The following PABPC1 variants were observed in gnomAD, a reference collection of about 807,000 sequenced individuals.
PABPC1 encodes the protein polyadenylate-binding protein 1.
In PABPC1, 4 loss-of-function variants were observed where a neutral mutation model predicts 74.0. That is an observed-to-expected ratio of 0.05 (90% CI 0.03 to 0.12). The LOEUF is 0.12. PABPC1 is among the 10% of genes least tolerant of loss of function. PABPC1 has a pLI of 1.00. For synonymous variants in PABPC1, 227 were observed against 264.1 expected, an observed-to-expected ratio of 0.86 and a Z score of 1.36; for missense variants, 271 against 821.1, an observed-to-expected ratio of 0.33 and a Z score of 8.19.
intron 9 of PABPC1, among the ~76,000 whole-genome samples, chr8:100,708,054 G>A (rs963805174): frequency 1.2e-4 from 19 of 152,218 alleles, no homozygotes; most frequent in African/African-American, 4.3e-4. Context: ...TTGGAATAAA[G>A]AGTAATTGCT....
chr8:100,713,834 C>G (rs1452148992), intron 4 of PABPC1, among the ~76,000 whole-genome samples: 2 of 148,762 alleles, frequency 1.3e-5, no homozygotes, highest in Non-Finnish European at 2.9e-5. Context: ...TTTATTAAGC[C>G]TTGGCCTACC....
intron 1 of PABPC1, among the ~76,000 whole-genome samples, chr8:100,718,838 G>A (rs1282229217): frequency 6.6e-6 from 1 of 152,152 alleles, no homozygotes; most frequent in African/African-American, 2.4e-5. Context: ...GGGTTTCAGT[G>A]ATTCATGGCA....
At position 100,715,440 on chromosome 8, in the gene PABPC1, AAATTT is replaced by A. The variant is rs1168162230; in HGVS notation, c.643+17_643+21del. On this transcript the variant is annotated intron_variant, in intron 4 of 14. Transcript: ENST00000318607. ...CACTAATTCAGAGCTTTGTGTGTAA[AAATTT>A]AATTAAGACACATTACCAAACTTGC... 1.9e-6 allele frequency: 3 copies of A among 1,567,146 alleles called. No individual in the cohort carries two copies. In the African/African-American group the frequency reaches 4.1e-5, roughly 21 times the overall value.
chr8:100,706,185 G>C (rs1017613186), intron 11 of PABPC1, among the ~76,000 whole-genome samples: 20 of 152,166 alleles, frequency 1.3e-4, no homozygotes, highest in African/African-American at 4.8e-4. Flanking sequence ...GACCAGGCGT[G>C]GTGATTTAGG....
In PABPC1 at chr8:100,721,361, G is replaced by T. The variant is rs1810826151; in HGVS notation, c.193+30C>A. The stretch of plus-strand genomic sequence containing the variant: ...GCCCGAGCCTCATGGCCGCCCGCCC[G>T]CCCGGCCGACCGCGGAGCCCGGCGC... On this transcript the variant is annotated intron_variant, in intron 1 of 14. Coordinates refer to ENST00000318607, the MANE Select transcript of PABPC1 (RefSeq NM_002568.4). The surrounding 1 kb of genome is among the most constrained non-coding windows in gnomAD (Gnocchi z 7.4). 1 of 1,351,326 alleles carries T rather than the reference G, an allele frequency of 7.4e-7. No individual in the cohort carries two copies. The highest frequency in any genetic ancestry group is 1.7e-5 in the South Asian group (1 of 59,066). The allele number at this position is 1,351,326 out of a possible 1,614,324, so 83.7% of individuals were successfully genotyped here.
chr8:100,716,459 A>G (rs1437430262), intron 3 of PABPC1, among the ~76,000 whole-genome samples: 1 of 152,204 alleles, frequency 6.6e-6, no homozygotes, highest in Admixed American at 6.5e-5. Flanking sequence ...GTCATAGCAT[A>G]TTATAATACA....
rs1810318107 is a variant in PABPC1, at chr8:100,704,070, AAAAAAC to A, written c.*1+221_*1+226del. 3 of 406,448 alleles carry A rather than the reference AAAAAAC, an allele frequency of 7.4e-6. No individual in the cohort carries two copies. In the South Asian group the frequency reaches 8.8e-5, roughly 12 times the overall value. The allele number at this position is 406,448 out of a possible 1,614,324, so 25.2% of individuals were successfully genotyped here. A position where few individuals can be genotyped will look rare whatever the true frequency, so the allele number is the denominator to read the frequency against. On this transcript the variant is annotated intron_variant, in intron 14 of 14. Coordinates refer to ENST00000318607, the MANE Select transcript of PABPC1 (RefSeq NM_002568.4). The stretch of plus-strand genomic sequence containing the variant: ...ACTCCATCTCAAAAAAAAAAAAAAA[AAAAAAC>A]ACCACCTGAAAGTCCTGGGATTTTA...
At chr8:100,720,052 G>A (rs949163703) in intron 1 of PABPC1, among the ~76,000 whole-genome samples, 2 of 152,188 alleles carry the variant, frequency 1.3e-5, no homozygotes, top group African/African-American at 4.8e-5. Context: ...AAGTTCTACT[G>A]AATGAATGTT....
chr8:100,721,317 T>G lies in PABPC1; in HGVS notation c.193+74A>C. 12 of 491,634 alleles carry G rather than the reference T, an allele frequency of 2.4e-5. No homozygotes were observed. The highest frequency in any genetic ancestry group is 8.8e-5 in the South Asian group (1 of 11,416). 30.5% of individuals were successfully genotyped at this position (491,634 alleles called of 1,614,324 possible). ...GCCCCCCTCCCCGGGCCCGCCGGCC[T>G]ACCCCGCCCGCCGCCGCCGCCCGAG... On this transcript the variant is annotated intron_variant, in intron 1 of 14. Coordinates refer to ENST00000318607, the MANE Select transcript of PABPC1 (RefSeq NM_002568.4). The surrounding 1 kb of genome is among the most constrained non-coding windows in gnomAD (Gnocchi z 7.4).
At chr8:100,717,936 C>T (rs771606026) in intron 2 of PABPC1, 48 bp from the exon 3 acceptor site, 8 of 1,455,606 alleles carry the variant, frequency 5.5e-6, no homozygotes, top group African/African-American at 1.4e-5. Context: ...ATTGATTTAA[C>T]ATTTGTTCAG....
At chr8:100,706,252 T>A (rs1254376714) in intron 11 of PABPC1, among the ~76,000 whole-genome samples, 1 of 152,226 alleles carries the variant, frequency 6.6e-6, no homozygotes, top group Non-Finnish European at 1.5e-5. Context: ...TTACATACTA[T>A]CATATTAGCA....
rs754594526 is a variant in PABPC1 at position 100,704,315 on chromosome 8, C to T, written c.1894G>A (p.Gly632Ser). The T allele has an allele frequency of 7.4e-6, 12 of 1,613,466 alleles. No individual in the cohort carries two copies. Among genetic ancestry groups the T allele is most frequent in the East Asian group, 2.2e-5 (1 of 44,872 alleles). Residue 632 changes from glycine to serine, a missense_variant, in exon 14 of 15, where the codon GGT becomes AGT. Around this residue, in one of 7 missense-constraint regions of PABPC1, gnomAD observed 23 missense variants for 48.1 expected, o/e 0.48. Coordinates refer to ENST00000318607, the MANE Select transcript of PABPC1 (RefSeq NM_002568.4). Reference sequence around the variant, plus strand: ...AGCTCACTTTAAACAGTTGGAACACCGGTGGCACTGTTAACTGCTTTCTGG... The same window carrying T: ...AGCTCACTTTAAACAGTTGGAACACTGGTGGCACTGTTAACTGCTTTCTGG... ...AAQKAVNSATGVPTV is the reference protein window; with the variant it reads ...AAQKAVNSATSVPTV
chr8:100,709,244 T>A (rs768866535), intron 8 of PABPC1, 21 bp from the exon 9 acceptor site: 2 of 1,599,636 alleles, frequency 1.3e-6, no homozygotes, highest in African/African-American at 2.7e-5. Context: ...AAAAAGCACA[T>A]GAGTTTATCA....
At chr8:100,713,800 T>C (rs1314748378) in intron 4 of PABPC1, among the ~76,000 whole-genome samples, 1 of 152,154 alleles carries the variant, frequency 6.6e-6, no homozygotes, top group East Asian at 1.9e-4. Flanking sequence ...TTTGATTTTC[T>C]TTGTATCAAT....
At chr8:100,705,558 T>C in intron 12 of PABPC1, 31 bp downstream of exon 12, 1 of 1,325,062 alleles carries the variant, frequency 7.5e-7, no homozygotes, top group Non-Finnish European at 1.1e-6. Flanking sequence ...CTAGTCTTTC[T>C]GAACTGACAA....
chr8:100,711,260 A>G (rs1283494362), intron 7 of PABPC1, among the ~76,000 whole-genome samples: 1 of 152,108 alleles, frequency 6.6e-6, no homozygotes, highest in Non-Finnish European at 1.5e-5. Context: ...AGCCCAGGCG[A>G]GAGTGAGACT....
In PABPC1 at chr8:100,709,213, C is replaced by T. The variant is rs141624233; in HGVS notation, c.1256G>A (p.Arg419His). Residue 419 changes from arginine to histidine, a missense_variant, in exon 9 of 15, where the codon CGT (arginine) becomes CAT (histidine). Around this residue, in one of 7 missense-constraint regions of PABPC1, gnomAD observed 103 missense variants for 245.3 expected, o/e 0.42. Coordinates refer to ENST00000318607, the MANE Select transcript of PABPC1 (RefSeq NM_002568.4). Reference protein sequence around the residue: ...FMAAIPQTQNRAAYYPPSQIA... With the variant: ...FMAAIPQTQNHAAYYPPSQIA... ...TTGGCTAGGAGGATAGTATGCAGCA[C>T]GGTTCTGAGTCTGCAGGGAAAAAAA... 4 of 1,613,778 alleles carry T rather than the reference C, an allele frequency of 2.5e-6. No homozygotes were observed. The highest frequency in any genetic ancestry group is 3.4e-6 in the Non-Finnish European group (4 of 1,179,752).
Position 100,717,800 on chromosome 8 carries a change from T to C in PABPC1, c.476A>G (p.Asn159Ser). The change falls in exon 3 of 15, where the codon AAT becomes AGT. Residue 159 changes from asparagine to serine, a missense_variant. Coordinates refer to ENST00000318607, the MANE Select transcript of PABPC1 (RefSeq NM_002568.4). ...TTTGCGATCATTTAGGAGCATTCCA[T>C]TCATTTTTTCAATAGCTCTTTCAGC... ...EAAERAIEKM[N>S]GMLLNDRKVF... 1 of 1,611,736 alleles carries C rather than the reference T, an allele frequency of 6.2e-7. No individual in the cohort carries two copies. The highest frequency in any genetic ancestry group is 8.5e-7 in the Non-Finnish European group (1 of 1,177,808).
At chr8:100,716,656 T>C (rs564248280) in intron 3 of PABPC1, among the ~76,000 whole-genome samples, 2 of 152,380 alleles carry the variant, frequency 1.3e-5, no homozygotes, top group African/African-American at 2.4e-5. Context: ...TATTTCATTG[T>C]GACCATCACT....
Sources: allele counts gnomAD v4.1 joint callset (sites outside exome capture counted in the v4.1 genomes callset), GRCh38; gene constraint gnomAD v4.1.1; regional missense constraint gnomAD v4.1.1; non-coding constraint Gnocchi (gnomAD v3.1); transcripts MANE v1.5; gene names NCBI Gene and HGNC (gene_info 2026-07-23, HGNC 2026-07-21).